Variants in ELP4 observed in about 807,000 individuals in gnomAD.
ELP4 encodes the protein elongator complex protein 4.
In ELP4, 51 loss-of-function variants were observed where a neutral mutation model predicts 48.9. That is an observed-to-expected ratio of 1.04 (90% CI 0.83 to 1.32). ELP4 has a LOEUF of 1.32. Among genes scored for constraint, ELP4 ranks in the 40% most tolerant of loss-of-function variants. The pLI is 0.00. For synonymous variants in ELP4, 210 were observed against 189.2 expected (o/e 1.11, Z -0.90); for missense variants, 519 against 514.6 (o/e 1.01, Z -0.08).
chr11:31,579,255 G>A (rs1290025601), intron 3 of ELP4, among the ~76,000 whole-genome samples: 2 of 152,188 alleles, frequency 1.3e-5, no homozygotes, highest in Non-Finnish European at 2.9e-5. Context: ...ACACCAGTTA[G>A]AATGGCGATC....
At chr11:31,676,958 A>G (rs1027871233) in intron 9 of ELP4, among the ~76,000 whole-genome samples, 1 of 152,168 alleles carries the variant, frequency 6.6e-6, no homozygotes, top group East Asian at 1.9e-4. Context: ...TTTTAAGTTG[A>G]TATAAAATTT....
chr11:31,757,275 A>T (rs1592285524), intron 9 of ELP4, among the ~76,000 whole-genome samples: 1 of 152,208 alleles, frequency 6.6e-6, no homozygotes, highest in Non-Finnish European at 1.5e-5. Context: ...CTAAGGAAAA[A>T]CAAATTTCTA....
At chr11:31,612,201 A>C (rs76615451) in intron 5 of ELP4, among the ~76,000 whole-genome samples, 1 of 151,918 alleles carries the variant, frequency 6.6e-6, no homozygotes, top group Non-Finnish European at 1.5e-5. Flanking sequence ...ATGTCAATGC[A>C]AAAAAAATTA....
Position 31,638,407 on chromosome 11 carries a change from A to T in ELP4, c.927+6002A>T, listed in dbSNP as rs182978406. The stretch of plus-strand genomic sequence containing the variant: ...ATTTGTCATCATTGACACTTGATCA[A>T]TTAATAGCCTTATTCAATTTTTGTC... On this transcript the variant is annotated intron_variant, in intron 7 of 9. Coordinates refer to ENST00000640961, the MANE Select transcript of ELP4 (RefSeq NM_019040.5). Among the ~76,000 whole-genome samples the T allele has an allele frequency of 3.9e-5, 6 of 151,976 alleles. No homozygotes were observed. In the East Asian group the frequency reaches 1.2e-3, roughly 29 times the overall value.
At chr11:31,604,825 A>G (rs1006844913) in intron 5 of ELP4, among the ~76,000 whole-genome samples, 18 of 152,048 alleles carry the variant, frequency 1.2e-4, no homozygotes, top group African/African-American at 4.3e-4. Flanking sequence ...CAATCTATGG[A>G]TAGAGACTTA....
chr11:31,614,377 G>A (rs1385052304), intron 5 of ELP4, among the ~76,000 whole-genome samples: 1 of 152,070 alleles, frequency 6.6e-6, no homozygotes, highest in Non-Finnish European at 1.5e-5. Context: ...ATATCAAAAG[G>A]ACACAGAAGC....
At chr11:31,681,270 G>C (rs189593264) in intron 9 of ELP4, among the ~76,000 whole-genome samples, 1 of 152,292 alleles carries the variant, frequency 6.6e-6, no homozygotes, top group Admixed American at 6.5e-5. Flanking sequence ...GTTCTGCGTT[G>C]TGAATGGGGT....
intron 2 of ELP4, among the ~76,000 whole-genome samples, 181 bp downstream of exon 2, chr11:31,520,272 A>C (rs1956190894): frequency 6.6e-6 from 1 of 152,212 alleles, no homozygotes; most frequent in African/African-American, 2.4e-5. Context: ...ACTTGAAATA[A>C]ATTAGGCAAA....
intron 9 of ELP4, among the ~76,000 whole-genome samples, chr11:31,782,868 T>C (rs1277773645): frequency 6.6e-6 from 1 of 152,178 alleles, no homozygotes; most frequent in Non-Finnish European, 1.5e-5. Context: ...TGTGAAAATT[T>C]TAAGTTCCTA....
chr11:31,742,571 C>A (rs1227743347), intron 9 of ELP4, among the ~76,000 whole-genome samples: 5 of 152,186 alleles, frequency 3.3e-5, no homozygotes, highest in Non-Finnish European at 1.5e-5. Flanking sequence ...ACTCTACAAG[C>A]CAGAAGAGAG....
chr11:31,674,196 G>T (rs1427408463), intron 9 of ELP4, among the ~76,000 whole-genome samples: 1 of 152,118 alleles, frequency 6.6e-6, no homozygotes. Flanking sequence ...AATCTGTGTG[G>T]AATCTCTTGA....
At chr11:31,745,402 T>C (rs1947562887) in intron 9 of ELP4, among the ~76,000 whole-genome samples, 1 of 152,190 alleles carries the variant, frequency 6.6e-6, no homozygotes, top group Non-Finnish European at 1.5e-5. Flanking sequence ...TTACAGTTCA[T>C]GTGGAACCAA....
In ELP4 at chr11:31,650,127, T is replaced by C. The variant is rs373465853; in HGVS notation, c.1049T>C (p.Ile350Thr). ...LYKDYHGLIH[I>T]RQIPRLNNLI... ...TCTTTTCCACAAGGATTGATTCATA[T>C]ACGGCAGATTCCTCGGCTTAATAAC... is the stretch of plus-strand genomic sequence containing the variant. Residue 350 changes from isoleucine (I) to threonine (T), a missense_variant, in exon 9 of 10, where the codon ATA becomes ACA. Transcript: ENST00000640961. 4.2e-6 allele frequency: 6 copies of C among 1,437,522 alleles called. No individual in the cohort carries two copies. The highest frequency in any genetic ancestry group is 3.5e-5 in the Admixed American group (2 of 57,170). 89.0% of individuals were successfully genotyped at this position (1,437,522 alleles called of 1,614,324 possible).
At chr11:31,690,908 T>C (rs1173180096) in intron 9 of ELP4, among the ~76,000 whole-genome samples, 1 of 151,562 alleles carries the variant, frequency 6.6e-6, no homozygotes, top group African/African-American at 2.4e-5. Context: ...TAATTTTCAG[T>C]CAGTTTAGAA....
chr11:31,611,227 G>A (rs773769357), intron 5 of ELP4, among the ~76,000 whole-genome samples: 1 of 152,192 alleles, frequency 6.6e-6, no homozygotes, highest in Non-Finnish European at 1.5e-5. Context: ...GCTGTGTAAT[G>A]TAGTGGCCAC....
At chr11:31,645,468 ATGT>A (rs1024131400) in intron 7 of ELP4, among the ~76,000 whole-genome samples, 3 of 151,820 alleles carry the variant, frequency 2.0e-5, no homozygotes, top group African/African-American at 7.2e-5. Context: ...TACTTTGCTT[ATGT>A]ACTATCAGAA....
chr11:31,547,959 A>G (rs1274103500), intron 3 of ELP4, among the ~76,000 whole-genome samples: 1 of 152,222 alleles, frequency 6.6e-6, no homozygotes, highest in Non-Finnish European at 1.5e-5. Context: ...AAAACTCTCA[A>G]TAAATTAGGT....
intron 4 of ELP4, among the ~76,000 whole-genome samples, chr11:31,595,333 G>GA: frequency 6.6e-6 from 1 of 152,226 alleles, no homozygotes; most frequent in African/African-American, 2.4e-5. Flanking sequence ...AGAAATGAAG[G>GA]AAAAATTTCT....
intron 3 of ELP4, among the ~76,000 whole-genome samples, chr11:31,588,520 T>G (rs1481973486): frequency 6.6e-6 from 1 of 152,236 alleles, no homozygotes; most frequent in Non-Finnish European, 1.5e-5. Context: ...GTAACTGGTT[T>G]TAAAGCACAT....
Sources: allele counts gnomAD v4.1 joint callset (sites outside exome capture counted in the v4.1 genomes callset), GRCh38; gene constraint gnomAD v4.1.1; transcripts MANE v1.5; gene names NCBI Gene and HGNC (gene_info 2026-07-23, HGNC 2026-07-21).